The following TNFRSF21 variants were observed in gnomAD, a reference collection of about 807,000 sequenced individuals.
TNFRSF21 encodes the protein tumor necrosis factor receptor superfamily member 21.
TNFRSF21 carries 19 observed loss-of-function variants against 45.6 expected under a neutral mutation model. The observed-to-expected ratio is 0.42, with a 90% confidence interval of 0.29 to 0.61. TNFRSF21 has a LOEUF of 0.61. TNFRSF21 is among the 20% of genes least tolerant of loss of function. The probability of loss-of-function intolerance (pLI) is 0.23; values close to 1 mark genes in which losing one functional copy is unlikely to be tolerated. For missense variants in TNFRSF21, 737 were observed against 851.5 expected (o/e 0.87, Z 1.67); for synonymous variants, 314 against 335.5 (o/e 0.94, Z 0.70).
At chr6:47,300,578 C>A (rs1437785024) in intron 1 of TNFRSF21, among the ~76,000 whole-genome samples, 1 of 152,162 alleles carries the variant, frequency 6.6e-6, no homozygotes, top group Admixed American at 6.5e-5. Flanking sequence ...TGAGTGATGT[C>A]CTGATCCCTT....
At chr6:47,272,769 C>A (rs975347089) in intron 3 of TNFRSF21, among the ~76,000 whole-genome samples, 11 of 151,706 alleles carry the variant, frequency 7.3e-5, no homozygotes, top group Non-Finnish European at 1.5e-4. Flanking sequence ...AGACCATTAG[C>A]AAGACTAATA....
At chr6:47,287,114 C>A (rs1261134291) in intron 1 of TNFRSF21, among the ~76,000 whole-genome samples, 14 of 151,784 alleles carry the variant, frequency 9.2e-5, no homozygotes. Context: ...TCGAGACCAG[C>A]CTGGCTGACA....
intron 4 of TNFRSF21, among the ~76,000 whole-genome samples, chr6:47,236,218 G>A (rs1000288421): frequency 2.0e-5 from 3 of 152,182 alleles, no homozygotes; most frequent in Non-Finnish European, 4.4e-5. Flanking sequence ...GCAGGCACTT[G>A]TGGCCTCTCC....
intron 3 of TNFRSF21, among the ~76,000 whole-genome samples, chr6:47,271,860 G>A (rs978885915): frequency 6.6e-6 from 1 of 152,122 alleles, no homozygotes; most frequent in Non-Finnish European, 1.5e-5. Context: ...AGTAGGGGTT[G>A]CAATCCTAGT....
In TNFRSF21 at chr6:47,308,968, T is replaced by G. The variant is rs144652719; in HGVS notation, c.96+448A>C. ...CTGCGGTAGCATCCCGACATGACATTGCAGCTGCAACAAAGCGCCGGCCTC... is the reference window on the plus strand; with the variant it reads ...CTGCGGTAGCATCCCGACATGACATGGCAGCTGCAACAAAGCGCCGGCCTC... On this transcript the variant is annotated intron_variant, in intron 1 of 5. Coordinates refer to ENST00000296861, the MANE Select transcript of TNFRSF21 (RefSeq NM_014452.5). Among the ~76,000 whole-genome samples the G allele has an allele frequency of 2.0e-5, 3 of 152,220 alleles. No homozygotes were observed. The East Asian group carries it at 5.9e-4, about 30-fold the overall frequency.
At chr6:47,271,657 C>T (rs945263583) in intron 3 of TNFRSF21, among the ~76,000 whole-genome samples, 2 of 152,178 alleles carry the variant, frequency 1.3e-5, no homozygotes, top group African/African-American at 4.8e-5. Flanking sequence ...CAAACTCACA[C>T]ATAACAATAT....
intron 3 of TNFRSF21, among the ~76,000 whole-genome samples, chr6:47,269,320 A>G (rs1173100687): frequency 1.3e-5 from 2 of 152,208 alleles, no homozygotes; most frequent in Non-Finnish European, 1.5e-5. Context: ...AAATAAAATG[A>G]AAACAAACAC....
chr6:47,258,564 C>T (rs948813400), intron 3 of TNFRSF21, among the ~76,000 whole-genome samples: 1 of 151,870 alleles, frequency 6.6e-6, no homozygotes, highest in Non-Finnish European at 1.5e-5. Context: ...AACTCAGCCT[C>T]CCTAGTACCT....
At chr6:47,296,596 G>A (rs187615290) in intron 1 of TNFRSF21, among the ~76,000 whole-genome samples, 17 of 152,296 alleles carry the variant, frequency 1.1e-4, no homozygotes, top group African/African-American at 4.1e-4. Flanking sequence ...GGGGAGAAGG[G>A]CTGAACGTTG....
chr6:47,247,820 A>G (rs1312986896), intron 4 of TNFRSF21, among the ~76,000 whole-genome samples: 1 of 152,224 alleles, frequency 6.6e-6, no homozygotes, highest in Non-Finnish European at 1.5e-5. Context: ...TAGGTCCCCT[A>G]TGTGGTTCTG....
chr6:47,241,472 A>C (rs1764742363), intron 4 of TNFRSF21, among the ~76,000 whole-genome samples: 1 of 127,664 alleles, frequency 7.8e-6, no homozygotes, highest in Non-Finnish European at 1.8e-5. Flanking sequence ...CAGAACCCAA[A>C]TGTACCCAAT....
chr6:47,309,857 C>T lies in TNFRSF21; in HGVS notation c.-346G>A, dbSNP rs977858391. ...CGACTTCCCATAGCGAAGCTTCCAG[C>T]CACTGCCAACCACCCTCCTCCGCTG... On this transcript the variant is annotated 5_prime_UTR_variant, in exon 1 of 6. Transcript: ENST00000296861. 8 of 206,616 alleles carry T rather than the reference C, an allele frequency of 3.9e-5. No homozygotes were observed. The highest frequency in any genetic ancestry group is 1.8e-4 in the African/African-American group (8 of 43,522). The allele number at this position is 206,616 out of a possible 1,614,324, so 12.8% of individuals were successfully genotyped here.
At chr6:47,246,784 A>G (rs937273583) in intron 4 of TNFRSF21, among the ~76,000 whole-genome samples, 35 of 152,208 alleles carry the variant, frequency 2.3e-4, no homozygotes, top group Admixed American at 1.7e-3. Context: ...TCAGGAAAGA[A>G]GACCAAAATA....
At chr6:47,282,553 C>T (rs116693849) in intron 3 of TNFRSF21, among the ~76,000 whole-genome samples, 137 of 152,078 alleles carry the variant, frequency 9.0e-4, no homozygotes, top group African/African-American at 2.7e-3. Context: ...CTAAACGTTT[C>T]GTTATAGAAG....
chr6:47,258,355 G>A (rs1421445428), intron 3 of TNFRSF21, among the ~76,000 whole-genome samples: 1 of 149,156 alleles, frequency 6.7e-6, no homozygotes, highest in Non-Finnish European at 1.5e-5. Context: ...AAGCAACAGA[G>A]TAAAACTGTC....
intron 3 of TNFRSF21, among the ~76,000 whole-genome samples, chr6:47,258,041 G>C (rs2113852064): frequency 6.6e-6 from 1 of 152,288 alleles, no homozygotes; most frequent in African/African-American, 2.4e-5. Flanking sequence ...TGTGTGTGCT[G>C]CCTCCTGGTC....
intron 1 of TNFRSF21, among the ~76,000 whole-genome samples, chr6:47,300,089 T>G (rs767848094): frequency 6.6e-6 from 1 of 152,128 alleles, no homozygotes; most frequent in African/African-American, 2.4e-5. Flanking sequence ...CCAACAACAA[T>G]AGAATGGCTC....
intron 3 of TNFRSF21, among the ~76,000 whole-genome samples, chr6:47,264,144 G>A (rs1762291937): frequency 6.6e-6 from 1 of 152,180 alleles, no homozygotes; most frequent in Non-Finnish European, 1.5e-5. Context: ...GTCCTATGTG[G>A]GAGAAATGCT....
At chr6:47,289,394 T>TTAAA (rs1192353415) in intron 1 of TNFRSF21, among the ~76,000 whole-genome samples, 4 of 152,178 alleles carry the variant, frequency 2.6e-5, no homozygotes, top group Admixed American at 1.3e-4. Context: ...GCCTATCTAG[T>TTAAA]TAAATAACAA....
Sources: allele counts gnomAD v4.1 joint callset (sites outside exome capture counted in the v4.1 genomes callset), GRCh38; gene constraint gnomAD v4.1.1; transcripts MANE v1.5; gene names NCBI Gene and HGNC (gene_info 2026-07-23, HGNC 2026-07-21).